Variants in PDGFD observed in about 807,000 individuals in gnomAD.
The protein encoded by PDGFD is platelet-derived growth factor D.
PDGFD carries 30 observed loss-of-function variants against 44.7 expected under a neutral mutation model. The ratio of observed to expected loss-of-function variants is 0.67; its 90% CI spans 0.50 to 0.91. The LOEUF (loss-of-function observed/expected upper bound fraction) is 0.91. Ranked by LOEUF, PDGFD falls within the 40% of genes least tolerant of loss-of-function variation. The pLI is 0.00. For synonymous variants in PDGFD, 173 were observed against 168.4 expected, an observed-to-expected ratio of 1.03 and a Z score of -0.21; for missense variants, 445 against 457.8, an observed-to-expected ratio of 0.97 and a Z score of 0.25.
rs186220250 is a variant in PDGFD, at chr11:103,996,209, G to A, written c.366C>T (p.Thr122=). 72 of 1,612,172 alleles carry A rather than the reference G, an allele frequency of 4.5e-5. No individual in the cohort carries two copies. In the African/African-American group the frequency reaches 8.5e-4, roughly 19 times the overall value. ...DFVEVEDISE[T]STIIRGRWCG... ...ACCATCGTCCTCTAATAATGGTACT[G>A]GTTTCGGATATATCTTCAACTTCCA... The change falls in exon 3 of 7, where the codon ACC becomes ACT. Residue 122 remains threonine (T), a synonymous_variant. Transcript: ENST00000393158.
chr11:104,106,025 A>G (rs1392715885), intron 1 of PDGFD, among the ~76,000 whole-genome samples: 1 of 152,182 alleles, frequency 6.6e-6, no homozygotes, highest in African/African-American at 2.4e-5. Flanking sequence ...TTACTTTAGA[A>G]GTATTGTTAA....
intron 1 of PDGFD, among the ~76,000 whole-genome samples, chr11:104,106,372 A>T (rs895148761): frequency 6.6e-6 from 1 of 152,158 alleles, no homozygotes; most frequent in African/African-American, 2.4e-5. Context: ...GACATAGTTA[A>T]TTTTTTCAGA....
chr11:104,059,198 G>A (rs1297913496), intron 1 of PDGFD, among the ~76,000 whole-genome samples: 3 of 152,188 alleles, frequency 2.0e-5, no homozygotes, highest in Non-Finnish European at 4.4e-5. Context: ...TTTGGAGCTA[G>A]GGAGTTTCAC....
intron 1 of PDGFD, chr11:104,037,055 A>G (rs879112401): frequency 3.6e-5 from 58 of 1,614,106 alleles, no homozygotes; most frequent in Non-Finnish European, 4.7e-5. Flanking sequence ...CTGCAGAAGG[A>G]CAATGTGGGA....
chr11:104,157,560 C>G (rs1041581049), intron 1 of PDGFD, among the ~76,000 whole-genome samples: 2 of 152,150 alleles, frequency 1.3e-5, no homozygotes, highest in Non-Finnish European at 1.5e-5. Flanking sequence ...TATCCCCCTT[C>G]TCCCTCTCAC....
At position 104,036,464 on chromosome 11, in the gene PDGFD, C is replaced by CAT. The variant is rs1180037524; in HGVS notation, c.125-36211_125-36210dup. 4.2e-5 allele frequency: 10 copies of CAT among 237,988 alleles called. No homozygotes were observed. In the East Asian group the frequency reaches 8.9e-4, roughly 21 times the overall value. 14.7% of individuals were successfully genotyped at this position (237,988 alleles called of 1,614,324 possible). The stretch of plus-strand genomic sequence containing the variant: ...GTCTCAAAAAAAAATGTGTTGAAAT[C>CAT]ATTTCTTTCATATCATGTGTTAAAT... On this transcript the variant is annotated intron_variant, in intron 1 of 6. Transcript: ENST00000393158.
In PDGFD at chr11:104,087,482, C is replaced by T. The variant is rs193068072; in HGVS notation, c.124+76322G>A. 5.5e-3 allele frequency among the ~76,000 whole-genome samples: 831 copies of T among 152,258 alleles called. 15 individuals are homozygous for T. The highest frequency in any genetic ancestry group is 0.032 in the Admixed American group (484 of 15,284). ...TCAGTCTCCCAAAGTGCTGGGATTACAGGCATGAGCAACTGAGCCACCGTG... is the reference window on the plus strand; with the variant it reads ...TCAGTCTCCCAAAGTGCTGGGATTATAGGCATGAGCAACTGAGCCACCGTG... On this transcript the variant is annotated intron_variant, in intron 1 of 6. Coordinates refer to ENST00000393158, the MANE Select transcript of PDGFD (RefSeq NM_025208.5).
intron 3 of PDGFD, among the ~76,000 whole-genome samples, chr11:103,953,479 C>A (rs1858789855): frequency 6.6e-6 from 1 of 152,094 alleles, no homozygotes; most frequent in Admixed American, 6.6e-5. Context: ...TTATTTTCTT[C>A]TTTTTGTACA....
chr11:103,947,361 T>C (rs1322459789), intron 4 of PDGFD, among the ~76,000 whole-genome samples: 1 of 152,218 alleles, frequency 6.6e-6, no homozygotes, highest in African/African-American at 2.4e-5. Flanking sequence ...ATATGTTTGA[T>C]ATGTTTGGAC....
At chr11:104,005,446 C>T (rs1480214410) in intron 1 of PDGFD, among the ~76,000 whole-genome samples, 2 of 152,168 alleles carry the variant, frequency 1.3e-5, no homozygotes, top group African/African-American at 4.8e-5. Context: ...TTAATGCCAA[C>T]TCAGGGCTAT....
chr11:103,968,493 T>C lies in PDGFD; in HGVS notation c.511-20769A>G, dbSNP rs145149787. Among the ~76,000 whole-genome samples, 779 of 152,228 alleles carry C rather than the reference T, an allele frequency of 5.1e-3. 3 individuals carry two copies. The highest frequency in any genetic ancestry group is 8.5e-3 in the Non-Finnish European group (575 of 68,016). ...CCTTTCACAGAAAAATACCTTACTC[T>C]CTTCACCGAATTGTGCATATCCTAC... On this transcript the variant is annotated intron_variant, in intron 3 of 6. Transcript: ENST00000393158.
chr11:104,034,518 G>A (rs768012886), intron 1 of PDGFD, among the ~76,000 whole-genome samples: 5 of 152,108 alleles, frequency 3.3e-5, no homozygotes, highest in Non-Finnish European at 7.4e-5. Flanking sequence ...TAACAGTGCA[G>A]GCCTTCTAAC....
chr11:104,024,963 A>AC lies in PDGFD; in HGVS notation c.125-24709dup, dbSNP rs201221563. On this transcript the variant is annotated intron_variant, in intron 1 of 6. Coordinates refer to ENST00000393158, the MANE Select transcript of PDGFD (RefSeq NM_025208.5). The stretch of plus-strand genomic sequence containing the variant: ...CATAAGTGATTGATACTTTAGAATA[A>AC]CCCCCAACTCAATGCTATGTGTATT... Among the ~76,000 whole-genome samples, 244 of 152,278 alleles carry AC rather than the reference A, an allele frequency of 1.6e-3. 2 individuals are homozygous for AC. In the East Asian group the frequency reaches 0.036, roughly 23 times the overall value.
At chr11:103,997,503 G>C (rs1006101045) in intron 2 of PDGFD, among the ~76,000 whole-genome samples, 8 of 152,086 alleles carry the variant, frequency 5.3e-5, no homozygotes, top group Admixed American at 5.2e-4. Context: ...GTTTCCTTAT[G>C]GATAAAATAA....
chr11:104,129,257 T>G (rs527261340), intron 1 of PDGFD, among the ~76,000 whole-genome samples: 2 of 152,002 alleles, frequency 1.3e-5, no homozygotes, highest in Non-Finnish European at 2.9e-5. Flanking sequence ...AACTTCAACC[T>G]TTTTTATCTT....
chr11:103,910,235 A>G (rs1858006830), intron 6 of PDGFD, among the ~76,000 whole-genome samples: 2 of 152,364 alleles, frequency 1.3e-5, no homozygotes, highest in Admixed American at 6.5e-5. Flanking sequence ...AATGAATACA[A>G]CCATGAATAA....
intron 3 of PDGFD, among the ~76,000 whole-genome samples, chr11:103,965,711 G>C (rs1159472900): frequency 1.3e-5 from 2 of 152,178 alleles, no homozygotes; most frequent in African/African-American, 2.4e-5. Context: ...GACCATGGTA[G>C]ACTTGATCTG....
chr11:104,146,978 T>C (rs1862171255), intron 1 of PDGFD, among the ~76,000 whole-genome samples: 1 of 149,226 alleles, frequency 6.7e-6, no homozygotes, highest in Admixed American at 6.8e-5. Flanking sequence ...GTGAGCTTGG[T>C]ACACACCAGG....
At chr11:104,030,489 T>C (rs1294717971) in intron 1 of PDGFD, among the ~76,000 whole-genome samples, 1 of 152,176 alleles carries the variant, frequency 6.6e-6, no homozygotes, top group Non-Finnish European at 1.5e-5. Flanking sequence ...TGCACAGGCT[T>C]GTCCTCATGA....
Sources: gnomAD v4.1 joint callset for allele counts (sites outside exome capture counted in the v4.1 genomes callset) on GRCh38, gnomAD v4.1.1 for gene constraint, MANE v1.5 for transcripts, NCBI Gene and HGNC (gene_info 2026-07-23, HGNC 2026-07-21) for gene names.